The following ABCC11 variants were observed in gnomAD, a reference collection of about 807,000 sequenced individuals.
The protein encoded by ABCC11 is ATP binding cassette subfamily C member 11, also known as ATP-binding cassette sub-family C member 11.
ABCC11 carries 135 observed loss-of-function variants against 149.3 expected under a neutral mutation model. The observed-to-expected ratio is 0.90, with a 90% CI of 0.79 to 1.04. The LOEUF (loss-of-function observed/expected upper bound fraction) is 1.04. Ranked by LOEUF, ABCC11 falls within the 50% of genes least tolerant of loss-of-function variation. The pLI, the probability that ABCC11 is intolerant of heterozygous loss-of-function variation, is 0.00. For missense variants in ABCC11, 1,680 were observed against 1,722.1 expected, an observed-to-expected ratio of 0.98 and a Z score of 0.43; for synonymous variants, 665 against 671.4, an observed-to-expected ratio of 0.99 and a Z score of 0.15.
At chr16:48,203,155 C>T in intron 14 of ABCC11, 73 bp downstream of exon 14, 4 of 1,432,056 alleles carry the variant, frequency 2.8e-6, no homozygotes, top group Non-Finnish European at 3.8e-6. Flanking sequence ...TCCTCCCTTC[C>T]CTGCCTGGGG....
intron 25 of ABCC11, 54 bp downstream of exon 25, chr16:48,176,870 T>C (rs1966109083): frequency 6.4e-7 from 1 of 1,574,766 alleles, no homozygotes; most frequent in Non-Finnish European, 8.6e-7. Context: ...ATAGGTCTAG[T>C]GCCCAAAGGG....
At chr16:48,220,489 T>TGGGTCAAGTGCAGGAGGACAGTGG (rs1365831704) in intron 6 of ABCC11, among the ~76,000 whole-genome samples, 1 of 152,214 alleles carries the variant, frequency 6.6e-6, no homozygotes, top group Admixed American at 6.5e-5. Flanking sequence ...CTTTTAGCTG[T>TGGGTCAAGTGCAGGAGGACAGTGG]GGGTCAAGTG....
intron 20 of ABCC11, among the ~76,000 whole-genome samples, chr16:48,188,816 T>C (rs1222918357): frequency 2.0e-5 from 3 of 152,216 alleles, no homozygotes; most frequent in African/African-American, 7.2e-5. Flanking sequence ...ACCACCTACA[T>C]TTCCCCATGT....
chr16:48,203,266 G>A lies in ABCC11; in HGVS notation c.1840C>T (p.Arg614Trp), dbSNP rs772580912. The A allele has an allele frequency of 1.6e-5, 26 of 1,583,938 alleles. No individual in the cohort carries two copies. The highest frequency in any genetic ancestry group is 1.3e-4 in the African/African-American group (10 of 74,556). ...CCAAAGGGCAGAAGTTCCAGGTCCC[G>A]ATTCAGGGAGCAGCAGTGGAGCACC... ...LQVLHCCSLN[R>W]DLELLPFGDM... Residue 614 changes from arginine (R) to tryptophan (W), a missense_variant, in exon 14 of 30, where the codon CGG becomes TGG. Coordinates refer to ENST00000356608, the MANE Select transcript of ABCC11 (RefSeq NM_001370497.1).
intron 27 of ABCC11, among the ~76,000 whole-genome samples, 166 bp from the exon 28 acceptor site, chr16:48,170,384 G>A (rs1428074115): frequency 6.6e-6 from 1 of 152,102 alleles, no homozygotes; most frequent in Admixed American, 6.6e-5. Context: ...TCTCGTCTCT[G>A]GGCCTTTGCA....
intron 3 of ABCC11, 109 bp from the exon 4 acceptor site, chr16:48,228,073 A>G (rs1970194336): frequency 9.8e-7 from 1 of 1,015,856 alleles, no homozygotes; most frequent in Non-Finnish European, 1.4e-6. Flanking sequence ...ACACACAAAC[A>G]TGTTTTCATG....
At chr16:48,196,438 C>T (rs1967423715) in intron 17 of ABCC11, 117 bp from the exon 18 acceptor site, 4 of 934,786 alleles carry the variant, frequency 4.3e-6, no homozygotes, top group Admixed American at 2.1e-5. Context: ...CAGTGCCCCA[C>T]CTATGTCTAA....
intron 25 of ABCC11, among the ~76,000 whole-genome samples, chr16:48,175,661 G>T (rs906384530): frequency 2.0e-5 from 3 of 152,204 alleles, no homozygotes; most frequent in Non-Finnish European, 1.5e-5. Flanking sequence ...CCAGCCCGCA[G>T]ACATGTTTTG....
At position 48,247,471 on chromosome 16, in the gene ABCC11, T is replaced by A. The variant is rs1971473827; in HGVS notation, c.-176A>T. 6.6e-6 allele frequency: 1 copy of A among 152,264 alleles called. No individual in the cohort carries two copies. The highest frequency in any genetic ancestry group is 1.5e-5 in the Non-Finnish European group (1 of 68,068). 9.4% of individuals were successfully genotyped at this position (152,264 alleles called of 1,614,324 possible). On this transcript the variant is annotated 5_prime_UTR_variant, in exon 1 of 30. Transcript: ENST00000356608. ...TGCCACACAGAGTGGCAGGATTAGATGTTGACTTACCTCTGCCACTTCCTT... is the reference window on the plus strand; with the variant it reads ...TGCCACACAGAGTGGCAGGATTAGAAGTTGACTTACCTCTGCCACTTCCTT...
At chr16:48,219,148 A>C (rs1233242822) in intron 6 of ABCC11, among the ~76,000 whole-genome samples, 1 of 151,264 alleles carries the variant, frequency 6.6e-6, no homozygotes, top group Non-Finnish European at 1.5e-5. Context: ...TGTGTACCTA[A>C]ATGGACTGTT....
intron 25 of ABCC11, chr16:48,175,896 T>G: frequency 1.2e-5 from 1 of 86,458 alleles, no homozygotes; most frequent in Non-Finnish European, 2.2e-5. Flanking sequence ...CGCCCCCATA[T>G]ATCACACCCA....
At chr16:48,194,287 T>A (rs544994446) in intron 18 of ABCC11, among the ~76,000 whole-genome samples, 2 of 152,256 alleles carry the variant, frequency 1.3e-5, no homozygotes, top group African/African-American at 4.8e-5. Context: ...GAAGATGATA[T>A]GATATAATGT....
At chr16:48,232,554 T>TA (rs531701718) in intron 1 of ABCC11, among the ~76,000 whole-genome samples, 30 of 150,718 alleles carry the variant, frequency 2.0e-4, no homozygotes, top group Admixed American at 6.0e-4. Flanking sequence ...GTTCTTTTTT[T>TA]AAAAAAAAAA....
chr16:48,224,220 A>G (rs951952928), intron 5 of ABCC11, 62 bp downstream of exon 5: 10 of 1,553,284 alleles, frequency 6.4e-6, no homozygotes, highest in Non-Finnish European at 8.7e-6. Flanking sequence ...ACATGCCCGC[A>G]GTTCCATCGC....
intron 1 of ABCC11, among the ~76,000 whole-genome samples, chr16:48,245,281 C>G (rs976200508): frequency 7.9e-5 from 12 of 152,182 alleles, no homozygotes; most frequent in African/African-American, 1.7e-4. Flanking sequence ...TGCTCCTTCA[C>G]TCATAACATT....
intron 23 of ABCC11, among the ~76,000 whole-genome samples, chr16:48,179,406 G>T (rs749049317): frequency 6.6e-6 from 1 of 152,214 alleles, no homozygotes; most frequent in Non-Finnish European, 1.5e-5. Flanking sequence ...CCACAGAAAC[G>T]TCTAGAAGCT....
At chr16:48,170,020 A>G (rs1965602632) in intron 28 of ABCC11, 85 bp downstream of exon 28, 1 of 979,292 alleles carries the variant, frequency 1.0e-6, no homozygotes, top group Non-Finnish European at 1.6e-6. Context: ...GTCCCACGGT[A>G]GTGAAGGGAG....
chr16:48,227,115 C>G (rs1365137212), intron 4 of ABCC11, among the ~76,000 whole-genome samples: 1 of 152,162 alleles, frequency 6.6e-6, no homozygotes, highest in East Asian at 1.9e-4. Context: ...CAAAGTAATA[C>G]TCAGTGCCAC....
chr16:48,221,486 T>C (rs1455090394), intron 6 of ABCC11, among the ~76,000 whole-genome samples: 4 of 151,646 alleles, frequency 2.6e-5, no homozygotes, highest in African/African-American at 7.3e-5. Context: ...ACAGTAACAA[T>C]AACCAGGCAG....
Sources: allele counts gnomAD v4.1 joint callset (sites outside exome capture counted in the v4.1 genomes callset), GRCh38; gene constraint gnomAD v4.1.1; transcripts MANE v1.5; gene names NCBI Gene and HGNC (gene_info 2026-07-23, HGNC 2026-07-21).